Variants in LRP6 observed in about 807,000 individuals in gnomAD.
LRP6 encodes the protein LDL receptor related protein 6.
A neutral mutation model predicts 184.1 loss-of-function variants in LRP6; 43 were observed. The ratio of observed to expected loss-of-function variants is 0.23; its 90% CI spans 0.18 to 0.30. The LOEUF (loss-of-function observed/expected upper bound fraction) is 0.30, where lower values mean the gene tolerates loss of function less well. Ranked by LOEUF, LRP6 falls within the 10% of genes least tolerant of loss-of-function variation. LRP6 has a pLI of 1.00. For synonymous variants in LRP6, 719 were observed against 684.9 expected, an observed-to-expected ratio of 1.05 and a Z score of -0.78; for missense variants, 1,571 against 2,005.3, an observed-to-expected ratio of 0.78 and a Z score of 4.14.
At position 12,244,600 on chromosome 12, in the gene LRP6, T is replaced by G. The variant is rs1246680206; in HGVS notation, c.111A>C (p.Thr37=). Residue 37 remains threonine, a synonymous_variant, in exon 2 of 23, where the codon ACA becomes ACC. Transcript: ENST00000261349. ...CAATCGTAGCATTCTCTTTGCCATT[T>G]GTAGCATCAACCAATCGCAAGTCCC... ...NRRDLRLVDA[T]NGKENATIVV... The G allele has an allele frequency of 3.1e-6, 5 of 1,614,206 alleles. No homozygotes were observed. The highest frequency in any genetic ancestry group is 3.4e-6 in the Non-Finnish European group (4 of 1,180,028).
In LRP6 at chr12:12,193,547, G is replaced by T. The variant is rs552388213; in HGVS notation, c.648-6428C>A. Reference sequence around the variant, plus strand: ...GAAAACTGTGAATAAAGTGATGAATGAAAGAGAAACACTGCCTTACAGAAA... The same window carrying T: ...GAAAACTGTGAATAAAGTGATGAATTAAAGAGAAACACTGCCTTACAGAAA... On this transcript the variant is annotated intron_variant, in intron 3 of 22. Transcript: ENST00000261349. Among the ~76,000 whole-genome samples, 11 of 151,238 alleles carry T rather than the reference G, an allele frequency of 7.3e-5. No homozygotes were observed. The South Asian group carries it at 1.7e-3, about 23-fold the overall frequency.
At chr12:12,263,873 G>T (rs1865691563) in intron 1 of LRP6, among the ~76,000 whole-genome samples, 1 of 151,862 alleles carries the variant, frequency 6.6e-6, no homozygotes, top group African/African-American at 2.4e-5. Flanking sequence ...GCCAAGCATG[G>T]TGGCTCACAC....
intron 2 of LRP6, among the ~76,000 whole-genome samples, chr12:12,228,605 C>G (rs1864692795): frequency 6.6e-6 from 1 of 152,188 alleles, no homozygotes; most frequent in Non-Finnish European, 1.5e-5. Context: ...GGCAAGCGAG[C>G]ATTACTGCCT....
chr12:12,232,930 T>C (rs936711415), intron 2 of LRP6, among the ~76,000 whole-genome samples: 1 of 152,104 alleles, frequency 6.6e-6, no homozygotes, highest in Non-Finnish European at 1.5e-5. Flanking sequence ...AAACCAAATA[T>C]TATAACAAAA....
In LRP6 at chr12:12,125,439, T is replaced by A; in HGVS notation, c.4313-7A>T. The A allele has an allele frequency of 6.2e-7, 1 of 1,613,470 alleles. No individual in the cohort carries two copies. The highest frequency in any genetic ancestry group is 8.5e-7 in the Non-Finnish European group (1 of 1,179,658). ...GATTTACCTCGAGACATTCCTAAAA[T>A]AAAAGGAGGTTAAAAACTGAAGATG... On this transcript the variant is annotated splice_region_variant and splice_polypyrimidine_tract_variant and intron_variant, in intron 20 of 22. Transcript: ENST00000261349.
chr12:12,164,467 G>A lies in LRP6; in HGVS notation c.1858C>T (p.Leu620Phe). The change falls in exon 9 of 23, where the codon CTC (leucine) becomes TTC (phenylalanine). Residue 620 changes from leucine to phenylalanine, a missense_variant. Coordinates refer to ENST00000261349, the MANE Select transcript of LRP6 (RefSeq NM_002336.3). ...LRCACPIGFE[L>F]ISDMKTCIVP... ...ATGCAGGTCTTCATGTCACTGATGA[G>A]TTCAAAGCCAATAGGGCAAGCACAG... The A allele has an allele frequency of 6.2e-7, 1 of 1,614,152 alleles. No individual in the cohort carries two copies. Among genetic ancestry groups the A allele is most frequent in the Non-Finnish European group, 8.5e-7 (1 of 1,180,020 alleles).
chr12:12,180,996 A>G (rs755574221), intron 6 of LRP6, 47 bp downstream of exon 6: 8 of 1,608,712 alleles, frequency 5.0e-6, no homozygotes, highest in South Asian at 1.1e-5. Context: ...GGAACCTGTG[A>G]AAAACAGAAA....
chr12:12,192,127 T>C (rs1251136390), intron 3 of LRP6, among the ~76,000 whole-genome samples: 1 of 151,970 alleles, frequency 6.6e-6, no homozygotes, highest in East Asian at 1.9e-4. Context: ...AAATGAACTA[T>C]AAATGACAAT....
intron 7 of LRP6, among the ~76,000 whole-genome samples, chr12:12,171,568 T>C (rs534449703): frequency 2.3e-5 from 3 of 130,024 alleles, no homozygotes; most frequent in African/African-American, 8.5e-5. Context: ...AATAAATAAA[T>C]AAACGCTATT....
In LRP6 at chr12:12,119,196, T is replaced by C. The variant is rs904705319; in HGVS notation, c.*1930A>G. 1.3e-5 allele frequency: 2 copies of C among 152,228 alleles called. No individual in the cohort carries two copies. Among genetic ancestry groups the C allele is most frequent in the East Asian group, 1.9e-4 (1 of 5,206 alleles). 9.4% of individuals were successfully genotyped at this position (152,228 alleles called of 1,614,324 possible). A position where few individuals can be genotyped will look rare whatever the true frequency, so the allele number is the denominator to read the frequency against. On this transcript the variant is annotated 3_prime_UTR_variant, in exon 23 of 23. Transcript: ENST00000261349. ...TTACAGTCTCCAACAATCAGCATTA[T>C]TCTGAAACCACAATTTTATCTTCAA...
intron 21 of LRP6, 143 bp downstream of exon 21, chr12:12,125,153 G>T (rs1177347402): frequency 7.3e-6 from 6 of 827,028 alleles, no homozygotes; most frequent in Non-Finnish European, 1.2e-5. Context: ...GGTGGTGTGT[G>T]GTAAGTCCTT....
At chr12:12,234,818 T>C in intron 2 of LRP6, among the ~76,000 whole-genome samples, 1 of 148,306 alleles carries the variant, frequency 6.7e-6, no homozygotes, top group Admixed American at 6.7e-5. Context: ...AGAGAGAGAC[T>C]ACGTCTCAAA....
chr12:12,236,911 G>A (rs1459427214), intron 2 of LRP6, among the ~76,000 whole-genome samples: 1 of 143,314 alleles, frequency 7.0e-6, no homozygotes, highest in African/African-American at 2.5e-5. Flanking sequence ...CCATAATTCA[G>A]GGATTTTTTT....
chr12:12,177,641 G>A (rs1206858054), intron 7 of LRP6, among the ~76,000 whole-genome samples: 2 of 152,104 alleles, frequency 1.3e-5, no homozygotes, highest in African/African-American at 4.8e-5. Context: ...TCCTAGACGT[G>A]CCTATGTAAA....
chr12:12,266,949 C>T lies in LRP6; in HGVS notation c.-214G>A. ...CGGCCCCGGGCTCGCGCGACGCCAG[C>T]GTCTGCTTCCATCCCGCCGCCTCCT... On this transcript the variant is annotated 5_prime_UTR_variant, in exon 1 of 23. Transcript: ENST00000261349. The T allele has an allele frequency of 8.9e-6, 5 of 564,646 alleles. No homozygotes were observed. Among genetic ancestry groups the T allele is most frequent in the Non-Finnish European group, 1.5e-5 (5 of 323,024 alleles). 35.0% of individuals were successfully genotyped at this position (564,646 alleles called of 1,614,324 possible). A position where few individuals can be genotyped will look rare whatever the true frequency, so the allele number is the denominator to read the frequency against.
chr12:12,200,923 G>A (rs920235020), intron 3 of LRP6, among the ~76,000 whole-genome samples: 22 of 152,038 alleles, frequency 1.4e-4, no homozygotes, highest in Non-Finnish European at 7.4e-5. Context: ...TTTCTGGGGT[G>A]CTTTTATTTA....
rs144546066 is a variant in LRP6, at chr12:12,148,443, T to C, written c.3206+499A>G. 7.6e-3 allele frequency among the ~76,000 whole-genome samples: 1,164 copies of C among 152,328 alleles called. 19 individuals are homozygous for C. The highest frequency in any genetic ancestry group is 9.6e-3 in the Admixed American group (147 of 15,298). On this transcript the variant is annotated intron_variant, in intron 14 of 22. Transcript: ENST00000261349. ...TCATTGACTCAGATACAACTGATTATTGAGTATTTATTAAATGCAAAGCTC... is the reference window on the plus strand; with the variant it reads ...TCATTGACTCAGATACAACTGATTACTGAGTATTTATTAAATGCAAAGCTC...
chr12:12,228,206 T>A (rs1864681953), intron 2 of LRP6, among the ~76,000 whole-genome samples: 3 of 152,136 alleles, frequency 2.0e-5, no homozygotes, highest in Middle Eastern at 6.8e-3. Flanking sequence ...CCCCCGTTTC[T>A]ACTAAAAATA....
chr12:12,179,397 T>C (rs1591919449), intron 7 of LRP6, among the ~76,000 whole-genome samples: 1 of 146,320 alleles, frequency 6.8e-6, no homozygotes, highest in African/African-American at 2.5e-5. Flanking sequence ...GATATAGATA[T>C]AGATATAGAT....
Sources: gnomAD v4.1 joint callset for allele counts (sites outside exome capture counted in the v4.1 genomes callset) on GRCh38, gnomAD v4.1.1 for gene constraint, MANE v1.5 for transcripts, NCBI Gene and HGNC (gene_info 2026-07-23, HGNC 2026-07-21) for gene names.